FSTL5: variants seen among roughly 807,000 people sequenced by gnomAD.
The protein encoded by FSTL5 is follistatin like 5, also known as follistatin-related protein 5.
Under a neutral mutation model 89.1 loss-of-function variants are expected in FSTL5, and 62 were observed. The observed-to-expected ratio is 0.70, with a 90% CI of 0.57 to 0.86. FSTL5 has a LOEUF of 0.86. Ranked by LOEUF, FSTL5 falls within the 40% of genes least tolerant of loss-of-function variation. The probability of loss-of-function intolerance (pLI) is 0.00; values close to 1 mark genes in which losing one functional copy is unlikely to be tolerated. For synonymous variants in FSTL5, 383 were observed against 346.2 expected, an observed-to-expected ratio of 1.11 and a Z score of -1.18; for missense variants, 1,057 against 1,001.6, an observed-to-expected ratio of 1.06 and a Z score of -0.75.
chr4:161,852,494 T>C (rs916653070), intron 4 of FSTL5, among the ~76,000 whole-genome samples: 2 of 152,188 alleles, frequency 1.3e-5, no homozygotes, highest in African/African-American at 4.8e-5. Flanking sequence ...GACTAAGGAA[T>C]GGTTTTACAC....
At chr4:162,128,965 A>C in intron 1 of FSTL5, among the ~76,000 whole-genome samples, 1 of 144,498 alleles carries the variant, frequency 6.9e-6, no homozygotes, top group African/African-American at 2.6e-5. Flanking sequence ...GTTGTTGCCC[A>C]GGCTGGAGCG....
At chr4:162,136,235 T>A (rs1374102306) in intron 1 of FSTL5, among the ~76,000 whole-genome samples, 1 of 152,078 alleles carries the variant, frequency 6.6e-6, no homozygotes, top group Non-Finnish European at 1.5e-5. Context: ...CATCTCAACA[T>A]GCATATTTAA....
Position 161,386,303 on chromosome 4 carries a change from A to G in FSTL5, c.1988T>C (p.Ile663Thr). 1.2e-6 allele frequency: 2 copies of G among 1,613,982 alleles called. No individual in the cohort carries two copies. The highest frequency in any genetic ancestry group is 2.2e-5 in the East Asian group (1 of 44,848). Reference protein sequence around the residue: ...AYTHLGGYYFIGCKPDSTGAV... With the variant: ...AYTHLGGYYFTGCKPDSTGAV... ...TCCGGTGCTGTCAGGTTTGCAGCCA[A>G]TGAAGTAGTAGCCTCCCAAGTGTGT... The change falls in exon 16 of 16, where the codon ATT (isoleucine) becomes ACT (threonine). Residue 663 changes from isoleucine to threonine, a missense_variant. Ile to Thr is a moderately conservative substitution (Grantham distance 89). Coordinates refer to ENST00000306100, the MANE Select transcript of FSTL5 (RefSeq NM_020116.5).
chr4:161,524,445 C>A (rs906648866), intron 10 of FSTL5, among the ~76,000 whole-genome samples: 1 of 152,118 alleles, frequency 6.6e-6, no homozygotes, highest in African/African-American at 2.4e-5. Flanking sequence ...ATATTTAGAT[C>A]AGAATAAATC....
chr4:161,862,714 G>C (rs768784303), intron 4 of FSTL5, among the ~76,000 whole-genome samples: 3 of 152,090 alleles, frequency 2.0e-5, no homozygotes, highest in South Asian at 2.1e-4. Context: ...CCTGGTGACA[G>C]AGAGAGACTC....
intron 15 of FSTL5, among the ~76,000 whole-genome samples, chr4:161,406,944 A>G (rs1184654929): frequency 6.6e-6 from 1 of 152,104 alleles, no homozygotes; most frequent in Non-Finnish European, 1.5e-5. Context: ...ACAGTGTTCA[A>G]TTTGTTTATA....
At chr4:161,499,073 G>A (rs537364705) in intron 12 of FSTL5, among the ~76,000 whole-genome samples, 6 of 152,074 alleles carry the variant, frequency 3.9e-5, no homozygotes, top group African/African-American at 1.4e-4. Flanking sequence ...TTGGAGGCAC[G>A]CGCCTGTAAT....
At chr4:161,582,617 T>C (rs67788764) in intron 8 of FSTL5, among the ~76,000 whole-genome samples, 31,386 of 152,202 alleles carry the variant, frequency 0.21, 3,482 homozygotes, top group Non-Finnish European at 0.25. Flanking sequence ...GGGCTGTGGT[T>C]TTGTAACTTA....
At chr4:161,634,369 C>T (rs1182281718) in intron 7 of FSTL5, among the ~76,000 whole-genome samples, 1 of 152,172 alleles carries the variant, frequency 6.6e-6, no homozygotes, top group Non-Finnish European at 1.5e-5. Context: ...AATCAATCAT[C>T]CAGCAACCTC....
chr4:161,665,985 C>T (rs559209970), intron 6 of FSTL5, among the ~76,000 whole-genome samples: 132 of 152,096 alleles, frequency 8.7e-4, no homozygotes, highest in Middle Eastern at 3.4e-3. Context: ...ATTTCCATAA[C>T]ATTGGGTAGA....
chr4:161,437,619 T>C (rs66859388), intron 15 of FSTL5, among the ~76,000 whole-genome samples: 15,052 of 147,496 alleles, frequency 0.1, 806 homozygotes, highest in Middle Eastern at 0.13. Flanking sequence ...TGAAAGTATC[T>C]TGTTATTTCT....
At chr4:161,959,149 T>C (rs1221903605) in intron 3 of FSTL5, among the ~76,000 whole-genome samples, 1 of 152,140 alleles carries the variant, frequency 6.6e-6, no homozygotes, top group African/African-American at 2.4e-5. Context: ...TTAGTTGTTT[T>C]GGTTAGGAGA....
At chr4:161,810,413 T>C (rs1265850373) in intron 4 of FSTL5, among the ~76,000 whole-genome samples, 1 of 152,076 alleles carries the variant, frequency 6.6e-6, no homozygotes, top group Admixed American at 6.5e-5. Flanking sequence ...AAAATGAATG[T>C]TATAAAAGAT....
chr4:161,850,490 AGGTGTGC>A (rs142062763), intron 4 of FSTL5, among the ~76,000 whole-genome samples: 5,266 of 152,248 alleles, frequency 0.035, 175 homozygotes, highest in East Asian at 0.14. Context: ...GTGCATGTGC[AGGTGTGC>A]GTATGCTGGG....
intron 3 of FSTL5, among the ~76,000 whole-genome samples, chr4:162,000,389 G>A (rs890969933): frequency 2.0e-5 from 3 of 152,002 alleles, no homozygotes; most frequent in Admixed American, 2.0e-4. Flanking sequence ...TCAGGAGTTT[G>A]AGACCAGTCT....
chr4:161,975,797 A>AATAAT, intron 3 of FSTL5, among the ~76,000 whole-genome samples: 1 of 149,910 alleles, frequency 6.7e-6, no homozygotes, highest in East Asian at 1.9e-4. Context: ...AATAAAATAA[A>AATAAT]ATAAAAAATA....
intron 3 of FSTL5, among the ~76,000 whole-genome samples, chr4:161,988,946 T>C (rs1403154805): frequency 6.6e-6 from 1 of 152,164 alleles, no homozygotes; most frequent in Admixed American, 6.5e-5. Context: ...AATGCAAATA[T>C]TGACTTTCCT....
At chr4:162,117,563 T>C (rs1731690245) in intron 1 of FSTL5, among the ~76,000 whole-genome samples, 1 of 152,200 alleles carries the variant, frequency 6.6e-6, no homozygotes, top group South Asian at 2.1e-4. Flanking sequence ...CCAAAGACTA[T>C]GCTGTCAGGC....
chr4:161,548,111 T>A (rs1355525427), intron 8 of FSTL5, among the ~76,000 whole-genome samples: 1 of 151,856 alleles, frequency 6.6e-6, no homozygotes, highest in East Asian at 1.9e-4. Flanking sequence ...TTATATTAAT[T>A]TTATCCATCA....
Sources: gnomAD v4.1 joint callset for allele counts (sites outside exome capture counted in the v4.1 genomes callset) on GRCh38, gnomAD v4.1.1 for gene constraint, MANE v1.5 for transcripts, NCBI Gene and HGNC (gene_info 2026-07-23, HGNC 2026-07-21) for gene names.